The following CD276 variants were observed in gnomAD, a reference collection of about 807,000 sequenced individuals.
CD276 encodes the protein CD276 molecule, also known as CD276 antigen.
A neutral mutation model predicts 50.0 loss-of-function variants in CD276; 34 were observed. The observed-to-expected ratio is 0.68, with a 90% CI of 0.52 to 0.91. CD276 has a LOEUF of 0.91. Among genes scored for constraint, CD276 ranks in the 40% least tolerant of loss-of-function variants. The probability of loss-of-function intolerance (pLI) is 0.00; values close to 1 mark genes in which losing one functional copy is unlikely to be tolerated. For synonymous variants in CD276, 275 were observed against 313.0 expected (o/e 0.88, Z 1.28); for missense variants, 634 against 717.5 (o/e 0.88, Z 1.33).
At chr15:73,703,210 G>A in intron 4 of CD276, 124 bp downstream of exon 4, 1 of 1,175,100 alleles carries the variant, frequency 8.5e-7, no homozygotes. Flanking sequence ...TAATGATAGG[G>A]AGAAAGATAA....
rs1900304438 is a variant in CD276, at chr15:73,699,718, G to C, written c.79G>C (p.Gly27Arg). ...ALGALWFCLT[G>R]ALEVQVPEDP... ...GGGAGCACTGTGGTTCTGCCTCACA[G>C]GTGAGGGTAGCAGCATGGGGACGGG... Residue 27 changes from glycine to arginine, a missense_variant and splice_region_variant, in exon 2 of 10, where the codon GGA becomes CGA. Transcript: ENST00000318443. 6.2e-7 allele frequency: 1 copy of C among 1,600,740 alleles called. No homozygotes were observed. The highest frequency in any genetic ancestry group is 8.5e-7 in the Non-Finnish European group (1 of 1,172,932).
At chr15:73,709,618 TTTG>T (rs1900809329) in intron 7 of CD276, 27 bp from the exon 8 acceptor site, 3 of 1,611,856 alleles carry the variant, frequency 1.9e-6, no homozygotes, top group Non-Finnish European at 1.7e-6. Flanking sequence ...GCAAAAGATT[TTTG>T]TTTATTCTGA....
At chr15:73,700,543 G>A (rs1900338675) in intron 2 of CD276, among the ~76,000 whole-genome samples, 2 of 152,068 alleles carry the variant, frequency 1.3e-5, no homozygotes, top group African/African-American at 2.4e-5. Flanking sequence ...TCCCCCAAAT[G>A]TCCCCTCCAA....
intron 8 of CD276, among the ~76,000 whole-genome samples, chr15:73,710,333 CT>C (rs1239486582): frequency 6.6e-6 from 1 of 152,232 alleles, no homozygotes; most frequent in African/African-American, 2.4e-5. Context: ...CATCCTGACC[CT>C]GCCCTGATGG....
At chr15:73,697,352 T>G (rs74346177) in intron 1 of CD276, among the ~76,000 whole-genome samples, 7,061 of 134,526 alleles carry the variant, frequency 0.052, 200 homozygotes, top group East Asian at 0.11. Flanking sequence ...CTGCTGGGGG[T>G]GTGTGTGTGT....
Position 73,696,372 on chromosome 15 carries a change from A to G in CD276, c.-54-3214A>G, listed in dbSNP as rs115375624. 7.9e-3 allele frequency among the ~76,000 whole-genome samples: 1,198 copies of G among 152,256 alleles called. 16 individuals carry two copies. The highest frequency in any genetic ancestry group is 0.028 in the African/African-American group (1,161 of 41,548). On this transcript the variant is annotated intron_variant, in intron 1 of 9. Coordinates refer to ENST00000318443, the MANE Select transcript of CD276 (RefSeq NM_001024736.2). ...CTCTGTGTTCACAGGACACTCTCCC[A>G]TTCTCCAGGGAGCACTTCCTTTCTG... is the stretch of plus-strand genomic sequence containing the variant.
At chr15:73,709,555 T>G in intron 7 of CD276, 93 bp from the exon 8 acceptor site, 1 of 1,307,466 alleles carries the variant, frequency 7.6e-7, no homozygotes. Context: ...CAGGCCCTGT[T>G]CACCAGCTTC....
At chr15:73,711,482 C>G in intron 9 of CD276, 1 of 331,488 alleles carries the variant, frequency 3.0e-6, no homozygotes, top group Non-Finnish European at 5.6e-6. Context: ...TGGATTCTGC[C>G]CTCTTCAACT....
At chr15:73,710,552 C>T (rs1181927167) in intron 8 of CD276, among the ~76,000 whole-genome samples, 2 of 152,226 alleles carry the variant, frequency 1.3e-5, no homozygotes, top group African/African-American at 4.8e-5. Flanking sequence ...TGCCAGTTCC[C>T]TCCCCACCCC....
At chr15:73,690,231 A>C (rs1299708535) in intron 1 of CD276, among the ~76,000 whole-genome samples, 1 of 152,228 alleles carries the variant, frequency 6.6e-6, no homozygotes, top group Admixed American at 6.5e-5. Context: ...CATTGCTAGA[A>C]TTAAGGATGC....
Position 73,704,133 on chromosome 15 carries a change from T to C in CD276, c.1073-43T>C. 1 of 1,593,522 alleles carries C rather than the reference T, an allele frequency of 6.3e-7. No homozygotes were observed. The highest frequency in any genetic ancestry group is 1.3e-5 in the African/African-American group (1 of 74,544). On this transcript the variant is annotated intron_variant, in intron 5 of 9. Transcript: ENST00000318443. This position sits in a 1 kb window ranked among gnomAD's most constrained non-coding sequence, Gnocchi z 4.1. ...AGCCCCATGCATCCTTTTCCTCCCC[T>C]GCCATTGCCCTGCCCTTGACCCCTG...
At position 73,702,299 on chromosome 15, in the gene CD276, G is replaced by A; in HGVS notation, c.124G>A (p.Val42Met). Residue 42 changes from valine (V) to methionine (M), a missense_variant, in exon 3 of 10, where the codon GTG (valine) becomes ATG (methionine). Transcript: ENST00000318443. ...CCCTGAAGACCCAGTGGTGGCACTG[G>A]TGGGCACCGATGCCACCCTGTGCTG... ...QVPEDPVVAL[V>M]GTDATLCCSF... 6.2e-7 allele frequency: 1 copy of A among 1,613,118 alleles called. No homozygotes were observed. The highest frequency in any genetic ancestry group is 8.5e-7 in the Non-Finnish European group (1 of 1,179,918).
intron 1 of CD276, among the ~76,000 whole-genome samples, chr15:73,695,708 A>T (rs1900149275): frequency 6.6e-6 from 1 of 152,238 alleles, no homozygotes; most frequent in East Asian, 1.9e-4. Context: ...GGGAAAAAAA[A>T]TGATTGGCTC....
intron 1 of CD276, among the ~76,000 whole-genome samples, chr15:73,696,969 G>A (rs1250003366): frequency 6.6e-6 from 1 of 152,000 alleles, no homozygotes; most frequent in Non-Finnish European, 1.5e-5. Flanking sequence ...TGAGGGAGGC[G>A]GCCCAGGAAG....
intron 1 of CD276, among the ~76,000 whole-genome samples, chr15:73,696,312 T>C (rs1312960576): frequency 6.6e-6 from 1 of 152,068 alleles, no homozygotes; most frequent in East Asian, 1.9e-4. Context: ...GAGGCCTGCG[T>C]GGCTCCACGT....
rs370710316 is a variant in CD276, at chr15:73,704,425, G to A, written c.1322G>A (p.Arg441His). 15 of 1,613,750 alleles carry A rather than the reference G, an allele frequency of 9.3e-6. No individual in the cohort carries two copies. In the East Asian group the frequency reaches 1.6e-4, roughly 17 times the overall value. The change falls in exon 6 of 10, where the codon CGC (arginine) becomes CAC (histidine). Residue 441 changes from arginine to histidine, a missense_variant. Arg to His is a conservative substitution (Grantham distance 29, BLOSUM62 0). Coordinates refer to ENST00000318443, the MANE Select transcript of CD276 (RefSeq NM_001024736.2). This position sits in a 1 kb window ranked among gnomAD's most constrained non-coding sequence, Gnocchi z 4.1. ...GANGTYSCLVRNPVLQQDAHG... is the reference protein window; with the variant it reads ...GANGTYSCLVHNPVLQQDAHG... ...AATGGCACCTACAGCTGCCTGGTGC[G>A]CAACCCCGTGCTGCAGCAGGATGCG... is the stretch of plus-strand genomic sequence containing the variant.
At chr15:73,690,880 TGG>T in intron 1 of CD276, 1 of 449,352 alleles carries the variant, frequency 2.2e-6, no homozygotes, top group Admixed American at 2.4e-5. Context: ...CCAGGGCAGA[TGG>T]GGCTCTGTAG....
In CD276 at chr15:73,702,563, G is replaced by A. The variant is rs371804365; in HGVS notation, c.388G>A (p.Gly130Ser). 1.1e-5 allele frequency: 17 copies of A among 1,610,062 alleles called. No individual in the cohort carries two copies. Among genetic ancestry groups the A allele is most frequent in the African/African-American group, 4.0e-5 (3 of 75,010 alleles). ...CTGCTTCGTGAGCATCCGGGATTTC[G>A]GCAGCGCTGCCGTCAGCCTGCAGGT... ...FTCFVSIRDF[G>S]SAAVSLQVAA... Residue 130 changes from glycine (G) to serine (S), a missense_variant, in exon 3 of 10, where the codon GGC (glycine) becomes AGC (serine). Coordinates refer to ENST00000318443, the MANE Select transcript of CD276 (RefSeq NM_001024736.2).
chr15:73,688,465 G>A (rs1448778130), intron 1 of CD276, among the ~76,000 whole-genome samples: 1 of 152,126 alleles, frequency 6.6e-6, no homozygotes, highest in African/African-American at 2.4e-5. Flanking sequence ...TTTAAACTTG[G>A]TCATGTGTTC....
Sources: allele counts gnomAD v4.1 joint callset (sites outside exome capture counted in the v4.1 genomes callset), GRCh38; gene constraint gnomAD v4.1.1; non-coding constraint Gnocchi (gnomAD v3.1); transcripts MANE v1.5; gene names NCBI Gene and HGNC (gene_info 2026-07-23, HGNC 2026-07-21).